The following ANKRD62 variants were observed in gnomAD, a reference collection of about 807,000 sequenced individuals.
ANKRD62 encodes the protein ankyrin repeat domain-containing protein 62.
In ANKRD62, 61 loss-of-function variants were observed where a neutral mutation model predicts 98.8. The observed-to-expected ratio is 0.62, with a 90% confidence interval of 0.50 to 0.76. ANKRD62 has a LOEUF of 0.76. Among genes scored for constraint, ANKRD62 ranks in the 30% least tolerant of loss-of-function variants. The probability of loss-of-function intolerance (pLI) is 0.00; values close to 1 mark genes in which losing one functional copy is unlikely to be tolerated. For missense variants in ANKRD62, 933 were observed against 1,082.9 expected (o/e 0.86, Z 1.94); for synonymous variants, 341 against 367.9 (o/e 0.93, Z 0.84).
chr18:12,120,210 T>C (rs542766747), intron 10 of ANKRD62, among the ~76,000 whole-genome samples: 2 of 152,324 alleles, frequency 1.3e-5, no homozygotes, highest in African/African-American at 4.8e-5. Context: ...GCCTCCTTGT[T>C]CTATCACTTC....
intron 8 of ANKRD62, among the ~76,000 whole-genome samples, chr18:12,112,973 G>A (rs1241379385): frequency 6.6e-6 from 1 of 152,084 alleles, no homozygotes; most frequent in Non-Finnish European, 1.5e-5. Flanking sequence ...TCCACTCACT[G>A]CAACCTCCCC....
chr18:12,170,737 G>A, the ANKRD62 span, among the ~76,000 whole-genome samples: 2 of 152,278 alleles, frequency 1.3e-5, no homozygotes, highest in East Asian at 1.9e-4. Context: ...GTGTGTTAAA[G>A]TCTCCCATTA....
intron 7 of ANKRD62, among the ~76,000 whole-genome samples, chr18:12,106,919 C>A (rs1018759221): frequency 6.6e-6 from 1 of 152,068 alleles, no homozygotes; most frequent in South Asian, 2.1e-4. Context: ...AGTGTAAACT[C>A]CAGGAGGTAA....
Position 12,113,927 on chromosome 18 carries a change from G to T in ANKRD62, c.1065-1161G>T, listed in dbSNP as rs533015574. ...CTCATAGACTGGATATAGAAAATGT[G>T]GTACATATATACCAGGAAATATTAG... is the stretch of plus-strand genomic sequence containing the variant. On this transcript the variant is annotated intron_variant, in intron 8 of 13. Coordinates refer to ENST00000587848, the MANE Select transcript of ANKRD62 (RefSeq NM_001277333.2). 7.2e-5 allele frequency among the ~76,000 whole-genome samples: 11 copies of T among 152,228 alleles called. No homozygotes were observed. The South Asian group carries it at 2.3e-3, about 32-fold the overall frequency.
chr18:12,127,664 T>G lies in ANKRD62; in HGVS notation c.2563-84T>G, dbSNP rs1909921272. 8 of 1,008,184 alleles carry G rather than the reference T, an allele frequency of 7.9e-6. No individual in the cohort carries two copies. In the South Asian group the frequency reaches 2.5e-4, roughly 32 times the overall value. The allele number at this position is 1,008,184 out of a possible 1,614,324, so 62.5% of individuals were successfully genotyped here. ...CAGTGTGTGGTGGTATTTTTCGAAG[T>G]GTGTATATTAGAGTTAAATATTATT... On this transcript the variant is annotated intron_variant, in intron 13 of 13. Coordinates refer to ENST00000587848, the MANE Select transcript of ANKRD62 (RefSeq NM_001277333.2).
chr18:12,135,219 A>T, the ANKRD62 span, among the ~76,000 whole-genome samples: 1 of 113,140 alleles, frequency 8.8e-6, no homozygotes. Flanking sequence ...CAGTCCCCAG[A>T]GTGTGATGTT....
chr18:12,133,008 T>A (rs1910028607), downstream of ANKRD62, among the ~76,000 whole-genome samples: 1 of 152,138 alleles, frequency 6.6e-6, no homozygotes, highest in South Asian at 2.1e-4. Flanking sequence ...CAACAATCAC[T>A]ACTATCCATT....
rs1287976850 is a variant in ANKRD62, at chr18:12,125,515, G to A, written c.1694G>A (p.Arg565Gln). Residue 565 changes from arginine to glutamine, a missense_variant, in exon 13 of 14, where the codon CGG becomes CAG. By Grantham distance (43) the Arg-to-Gln change is conservative (BLOSUM62 1). Coordinates refer to ENST00000587848, the MANE Select transcript of ANKRD62 (RefSeq NM_001277333.2). Reference sequence around the variant, plus strand: ...CTGTGGCAGGAAAATCACTTGATGCGGGATGAAATTGCCAGACTCAGGCTG... The same window carrying A: ...CTGTGGCAGGAAAATCACTTGATGCAGGATGAAATTGCCAGACTCAGGCTG... ...RDLWQENHLM[R>Q]DEIARLRLEI... 2.1e-5 allele frequency: 31 copies of A among 1,499,746 alleles called. No homozygotes were observed. Among genetic ancestry groups the A allele is most frequent in the Middle Eastern group, 1.7e-4 (1 of 5,788 alleles). 92.9% of individuals were successfully genotyped at this position (1,499,746 alleles called of 1,614,324 possible).
Position 12,095,288 on chromosome 18 carries a change from A to G in ANKRD62, c.333+3A>G. ...AAAACAGGACAGCTCTGATCAAGGT[A>G]TATGGTAGCCAACTCTTTCAGCATG... On this transcript the variant is annotated splice_donor_region_variant and intron_variant, in intron 2 of 13. Coordinates refer to ENST00000587848, the MANE Select transcript of ANKRD62 (RefSeq NM_001277333.2). The G allele has an allele frequency of 6.5e-7, 1 of 1,539,738 alleles. No individual in the cohort carries two copies. The highest frequency in any genetic ancestry group is 8.7e-7 in the Non-Finnish European group (1 of 1,146,362).
At chr18:12,137,244 A>G in the ANKRD62 span, among the ~76,000 whole-genome samples, 1 of 152,132 alleles carries the variant, frequency 6.6e-6, no homozygotes, top group Non-Finnish European at 1.5e-5. Context: ...TTTATTGAGA[A>G]TTTTTAGCAT....
chr18:12,114,137 A>T (rs1909607735), intron 8 of ANKRD62, among the ~76,000 whole-genome samples: 1 of 152,194 alleles, frequency 6.6e-6, no homozygotes, highest in Admixed American at 6.5e-5. Context: ...CACCTTCTGG[A>T]AGGTGGAGTG....
chr18:12,171,451 C>T, the ANKRD62 span, among the ~76,000 whole-genome samples: 4 of 152,038 alleles, frequency 2.6e-5, no homozygotes, highest in Admixed American at 6.6e-5. Context: ...TCTTCAAGAA[C>T]GTTGAATATT....
At chr18:12,131,385 A>G (rs892599320), downstream of ANKRD62, among the ~76,000 whole-genome samples, 4 of 152,240 alleles carry the variant, frequency 2.6e-5, no homozygotes, top group East Asian at 5.8e-4. Context: ...CAAATACCAC[A>G]TTAAATACTT....
downstream of ANKRD62, among the ~76,000 whole-genome samples, chr18:12,133,820 TTTA>T (rs1427400540): frequency 4.6e-5 from 7 of 152,216 alleles, no homozygotes; most frequent in African/African-American, 1.7e-4. Context: ...TCTTGTATTC[TTTA>T]TTGTTTCTGT....
intron 1 of ANKRD62, 64 bp from the exon 2 acceptor site, chr18:12,095,107 T>C (rs1909152266): frequency 1.8e-6 from 2 of 1,098,754 alleles, no homozygotes; most frequent in East Asian, 2.6e-5. Flanking sequence ...TACAATTGCA[T>C]GCGTCGTTGT....
At chr18:12,140,965 A>C in the ANKRD62 span, among the ~76,000 whole-genome samples, 3 of 152,204 alleles carry the variant, frequency 2.0e-5, no homozygotes, top group African/African-American at 4.8e-5. Context: ...GAGCCTACAG[A>C]GGCAGGCAGG....
chr18:12,169,839 C>T, the ANKRD62 span, among the ~76,000 whole-genome samples: 196 of 152,310 alleles, frequency 1.3e-3, no homozygotes, highest in Admixed American at 3.3e-3. Context: ...AATTCAACTT[C>T]TTCCTGGTTT....
intron 6 of ANKRD62, chr18:12,102,125 G>A (rs1909312472): frequency 2.3e-6 from 3 of 1,307,008 alleles, no homozygotes; most frequent in Non-Finnish European, 3.3e-6. Flanking sequence ...GCATCCCCAT[G>A]AACATAGTCA....
At chr18:12,102,488 C>T (rs1313190173) in intron 6 of ANKRD62, 4 of 402,446 alleles carry the variant, frequency 9.9e-6, no homozygotes, top group Admixed American at 6.0e-5. Flanking sequence ...CCTGAAAACT[C>T]AAGGTCATCC....
Sources: allele counts gnomAD v4.1 joint callset (sites outside exome capture counted in the v4.1 genomes callset), GRCh38; gene constraint gnomAD v4.1.1; transcripts MANE v1.5; gene names NCBI Gene and HGNC (gene_info 2026-07-23, HGNC 2026-07-21).